Variants in ST8SIA5 observed in about 807,000 individuals in gnomAD.
ST8SIA5 encodes ST8 alpha-N-acetyl-neuraminide alpha-2,8-sialyltransferase 5.
A neutral mutation model predicts 40.2 loss-of-function variants in ST8SIA5; 24 were observed. That is an observed-to-expected ratio of 0.60 (90% CI 0.43 to 0.84). ST8SIA5 has a LOEUF of 0.84. Ranked by LOEUF, ST8SIA5 falls within the 40% of genes least tolerant of loss-of-function variation. The pLI is 0.00. For synonymous variants in ST8SIA5, 198 were observed against 201.8 expected (o/e 0.98, Z 0.16); for missense variants, 465 against 498.5 (o/e 0.93, Z 0.64).
chr18:46,673,306 C>T lies in ST8SIA5; in HGVS notation c.*6736G>A, dbSNP rs867744110. ...ACCAATTTTGTAAATGTTAGATTCC[C>T]GAGCACTTGACTTTTGTTGCTAGGT... On this transcript the variant is annotated 3_prime_UTR_variant, in exon 7 of 7. Transcript: ENST00000315087. The T allele has an allele frequency of 3.9e-5, 6 of 152,092 alleles. No homozygotes were observed. The highest frequency in any genetic ancestry group is 3.9e-4 in the East Asian group (2 of 5,190). The allele number at this position is 152,092 out of a possible 1,614,324, so 9.4% of individuals were successfully genotyped here. A position where few individuals can be genotyped will look rare whatever the true frequency, so the allele number is the denominator to read the frequency against.
chr18:46,689,013 C>T (rs548472057), intron 3 of ST8SIA5, 94 bp from the exon 4 acceptor site: 22 of 1,453,198 alleles, frequency 1.5e-5, no homozygotes, highest in Middle Eastern at 4.9e-4. Flanking sequence ...GGGGTGGAGC[C>T]GAGGCCTCTC....
chr18:46,708,380 G>C lies in ST8SIA5; in HGVS notation c.132-3716C>G, dbSNP rs116034180. On this transcript the variant is annotated intron_variant, in intron 1 of 6. Transcript: ENST00000315087. ...GTCCTGCTTGGACATGGACCTGCTT[G>C]ATCACCTCATCTCACTGAGGCTCAT... 4.5e-3 allele frequency among the ~76,000 whole-genome samples: 684 copies of C among 152,298 alleles called. 4 individuals are homozygous for C. Among genetic ancestry groups the C allele is most frequent in the African/African-American group, 0.015 (634 of 41,536 alleles).
intron 4 of ST8SIA5, 26 bp from the exon 5 acceptor site, chr18:46,686,312 C>T (rs1415946878): frequency 6.2e-7 from 1 of 1,603,064 alleles, no homozygotes; most frequent in Non-Finnish European, 8.5e-7. Context: ...GCACAGCTGT[C>T]AGAGCCAAGC....
intron 1 of ST8SIA5, among the ~76,000 whole-genome samples, chr18:46,738,680 C>T (rs569652284): frequency 6.6e-6 from 1 of 151,930 alleles, no homozygotes; most frequent in Non-Finnish European, 1.5e-5. Context: ...CACCCTCCCC[C>T]TCGAGAACCA....
intron 1 of ST8SIA5, among the ~76,000 whole-genome samples, chr18:46,706,881 G>A (rs1242099514): frequency 2.6e-5 from 4 of 152,206 alleles, no homozygotes; most frequent in African/African-American, 4.8e-5. Flanking sequence ...ATCAGAGGCA[G>A]CAGCTTTCAC....
At chr18:46,713,092 A>T (rs1306827994) in intron 1 of ST8SIA5, among the ~76,000 whole-genome samples, 2 of 152,122 alleles carry the variant, frequency 1.3e-5, no homozygotes, top group African/African-American at 4.8e-5. Context: ...TATCATGGGG[A>T]CTCGGCAGAG....
intron 1 of ST8SIA5, among the ~76,000 whole-genome samples, chr18:46,736,864 A>C (rs2040039603): frequency 6.6e-6 from 1 of 151,982 alleles, no homozygotes; most frequent in Non-Finnish European, 1.5e-5. Context: ...CATCCCATAC[A>C]CATATCCTGG....
rs535541417 is a variant in ST8SIA5, at chr18:46,675,012, C to A, written c.*5030G>T. 6.6e-6 allele frequency: 1 copy of A among 152,138 alleles called. No homozygotes were observed. Among genetic ancestry groups the A allele is most frequent in the Non-Finnish European group, 1.5e-5 (1 of 68,020 alleles). 9.4% of individuals were successfully genotyped at this position (152,138 alleles called of 1,614,324 possible). On this transcript the variant is annotated 3_prime_UTR_variant, in exon 7 of 7. Coordinates refer to ENST00000315087, the MANE Select transcript of ST8SIA5 (RefSeq NM_013305.6). ...ACCTGAAGTTTATGATACAGGTAGG[C>A]AATGGGCCCCACAAAAGGTATTTTT...
At chr18:46,744,619 G>A (rs777756562) in intron 1 of ST8SIA5, among the ~76,000 whole-genome samples, 2 of 152,156 alleles carry the variant, frequency 1.3e-5, no homozygotes, top group Non-Finnish European at 2.9e-5. Context: ...AATAATGGGA[G>A]ATTTTCACAC....
At chr18:46,696,477 C>G (rs749453922) in intron 2 of ST8SIA5, among the ~76,000 whole-genome samples, 19 of 152,186 alleles carry the variant, frequency 1.2e-4, no homozygotes, top group Non-Finnish European at 2.8e-4. Context: ...CTCCAATGCC[C>G]TCATCACACC....
In ST8SIA5 at chr18:46,746,482, A is replaced by G. The variant is rs538211004; in HGVS notation, c.131+9896T>C. 7.1e-4 allele frequency among the ~76,000 whole-genome samples: 108 copies of G among 152,344 alleles called. 1 individual carries two copies. In the South Asian group the frequency reaches 0.021, roughly 30 times the overall value. On this transcript the variant is annotated intron_variant, in intron 1 of 6. Transcript: ENST00000315087. The stretch of plus-strand genomic sequence containing the variant: ...CCCATCCACAATTGCTACAAAGAGA[A>G]TAAAATACCTAGGAATCCAACTTAC...
intron 1 of ST8SIA5, among the ~76,000 whole-genome samples, chr18:46,749,129 C>T (rs2040171613): frequency 6.6e-6 from 1 of 152,066 alleles, no homozygotes; most frequent in South Asian, 2.1e-4. Flanking sequence ...GCATATGATT[C>T]CATTTATATG....
chr18:46,754,224 G>A (rs1415553170), intron 1 of ST8SIA5, among the ~76,000 whole-genome samples: 4 of 152,000 alleles, frequency 2.6e-5, no homozygotes, highest in East Asian at 3.9e-4. Context: ...TGGGAGAGAC[G>A]GGAGGAAATT....
intron 1 of ST8SIA5, among the ~76,000 whole-genome samples, chr18:46,745,127 T>C (rs1314050915): frequency 6.6e-6 from 1 of 152,098 alleles, no homozygotes; most frequent in East Asian, 1.9e-4. Context: ...AGATCTAAAA[T>C]TGACACCCTA....
chr18:46,690,071 C>T lies in ST8SIA5; in HGVS notation c.312-1152G>A, dbSNP rs1393230475. On this transcript the variant is annotated intron_variant, in intron 3 of 6. Transcript: ENST00000315087. ...GCCATGGATTGGCATTACAAACTGG[C>T]ATCTGGGCCTTTTAGCTTTGCTAGT... Among the ~76,000 whole-genome samples, 33 of 152,138 alleles carry T rather than the reference C, an allele frequency of 2.2e-4. 1 individual carries two copies. The highest frequency in any genetic ancestry group is 2.0e-3 in the Admixed American group (30 of 15,274).
chr18:46,753,917 C>A (rs1458650374), intron 1 of ST8SIA5, among the ~76,000 whole-genome samples: 1 of 152,080 alleles, frequency 6.6e-6, no homozygotes, highest in Non-Finnish European at 1.5e-5. Flanking sequence ...TAGTAGATCT[C>A]ACCCGAAGAC....
chr18:46,715,062 G>A (rs1174690361), intron 1 of ST8SIA5, among the ~76,000 whole-genome samples: 1 of 152,206 alleles, frequency 6.6e-6, no homozygotes. Flanking sequence ...TGGGACCAAT[G>A]GGGGAAGCTG....
At chr18:46,702,682 G>T (rs1296112275) in intron 2 of ST8SIA5, among the ~76,000 whole-genome samples, 2 of 152,212 alleles carry the variant, frequency 1.3e-5, no homozygotes, top group African/African-American at 4.8e-5. Context: ...CCTCAGAGAA[G>T]CGTTGCCTGA....
intron 1 of ST8SIA5, among the ~76,000 whole-genome samples, chr18:46,755,184 G>A (rs17707032): frequency 0.11 from 16,641 of 152,164 alleles, 986 homozygotes; most frequent in South Asian, 0.16. Context: ...CTAAGTGCTC[G>A]GCTTTTCCAC....
Sources: gnomAD v4.1 joint callset for allele counts (sites outside exome capture counted in the v4.1 genomes callset) on GRCh38, gnomAD v4.1.1 for gene constraint, MANE v1.5 for transcripts, NCBI Gene and HGNC (gene_info 2026-07-23, HGNC 2026-07-21) for gene names.